Variants in HCN1 observed in about 807,000 individuals in gnomAD.
HCN1 encodes potassium/sodium hyperpolarization-activated cyclic nucleotide-gated channel 1.
In HCN1, 13 loss-of-function variants were observed where a neutral mutation model predicts 78.9. The ratio of observed to expected loss-of-function variants is 0.16; its 90% confidence interval spans 0.11 to 0.26. The LOEUF is 0.26. Among genes scored for constraint, HCN1 ranks in the 10% least tolerant of loss-of-function variants. The pLI, the probability that HCN1 is intolerant of heterozygous loss-of-function variation, is 1.00. For missense variants in HCN1, 810 were observed against 1,154.3 expected (o/e 0.70, Z 4.32); for synonymous variants, 552 against 455.5 (o/e 1.21, Z -2.70).
In HCN1 at chr5:45,538,270, C is replaced by T. The variant is rs112345560; in HGVS notation, c.850-76263G>A. Among the ~76,000 whole-genome samples, 1,308 of 152,096 alleles carry T rather than the reference C, an allele frequency of 8.6e-3. 25 individuals carry two copies. The highest frequency in any genetic ancestry group is 0.031 in the African/African-American group (1,281 of 41,502). On this transcript the variant is annotated intron_variant, in intron 2 of 7. Transcript: ENST00000303230. ...TGGGTTTAAGGTTGGAAATAGAGAT[C>T]CTCTAATTGCTGTGATGCAAAGATC...
chr5:45,646,852 ATCCTAGTCATAGG>A (rs1384707556), intron 1 of HCN1, among the ~76,000 whole-genome samples: 1 of 152,150 alleles, frequency 6.6e-6, no homozygotes, highest in African/African-American at 2.4e-5. Flanking sequence ...GAGTTACTTT[ATCCTAGTCATAGG>A]TATGTTATTT....
intron 7 of HCN1, among the ~76,000 whole-genome samples, chr5:45,264,181 T>G (rs1297672468): frequency 6.6e-6 from 1 of 152,232 alleles, no homozygotes; most frequent in African/African-American, 2.4e-5. Flanking sequence ...ACCAAGGGCA[T>G]AGTGCATTGC....
intron 2 of HCN1, among the ~76,000 whole-genome samples, chr5:45,513,315 C>T (rs1020184539): frequency 5.9e-5 from 9 of 151,918 alleles, no homozygotes; most frequent in African/African-American, 2.2e-4. Flanking sequence ...AGAATGAGAG[C>T]TCATAGGAAA....
intron 1 of HCN1, among the ~76,000 whole-genome samples, chr5:45,657,687 T>G (rs1484624685): frequency 6.6e-6 from 1 of 152,138 alleles, no homozygotes; most frequent in Non-Finnish European, 1.5e-5. Flanking sequence ...TTACAAGGGA[T>G]GTGAAGGACC....
chr5:45,523,963 AG>A (rs1389685446), intron 2 of HCN1, among the ~76,000 whole-genome samples: 6 of 152,046 alleles, frequency 3.9e-5, no homozygotes, highest in African/African-American at 1.4e-4. Context: ...GGTATTGCCT[AG>A]GTTTTCTTCT....
At chr5:45,395,850 A>G (rs977218302) in intron 4 of HCN1, among the ~76,000 whole-genome samples, 6 of 141,800 alleles carry the variant, frequency 4.2e-5, no homozygotes, top group Non-Finnish European at 7.5e-5. Flanking sequence ...TTCATGTGGG[A>G]AAAAAAAATC....
chr5:45,560,659 A>C (rs1743579320), intron 2 of HCN1, among the ~76,000 whole-genome samples: 1 of 152,092 alleles, frequency 6.6e-6, no homozygotes, highest in Non-Finnish European at 1.5e-5. Flanking sequence ...AATTATATTT[A>C]ACAAATAAAA....
intron 3 of HCN1, among the ~76,000 whole-genome samples, chr5:45,452,528 T>C (rs866534011): frequency 6.6e-6 from 1 of 151,646 alleles, no homozygotes; most frequent in South Asian, 2.1e-4. Context: ...TAGAACCCAA[T>C]AGGTAGTTTT....
intron 5 of HCN1, among the ~76,000 whole-genome samples, chr5:45,335,301 A>C (rs1419040965): frequency 1.3e-5 from 2 of 152,048 alleles, no homozygotes; most frequent in Non-Finnish European, 2.9e-5. Flanking sequence ...GGCACTCATA[A>C]ACAGAAGGTT....
rs117554737 is a variant in HCN1, at chr5:45,308,273, C to A, written c.1378-4434G>T. On this transcript the variant is annotated intron_variant, in intron 5 of 7. Transcript: ENST00000303230. ...ATGCATCTTGTACAGGCTGCTGAAT[C>A]GTGAGACAAATAAATTTCTTTATAA... is the stretch of plus-strand genomic sequence containing the variant. Among the ~76,000 whole-genome samples, 85 of 152,062 alleles carry A rather than the reference C, an allele frequency of 5.6e-4. No individual in the cohort carries two copies. The East Asian group carries it at 0.015, about 27-fold the overall frequency.
chr5:45,550,379 A>G (rs941208670), intron 2 of HCN1, among the ~76,000 whole-genome samples: 6 of 152,206 alleles, frequency 3.9e-5, no homozygotes, highest in Non-Finnish European at 1.5e-5. Flanking sequence ...CATCATTCTC[A>G]GCAAACTATC....
intron 4 of HCN1, among the ~76,000 whole-genome samples, chr5:45,382,612 C>T (rs1441644695): frequency 6.6e-6 from 1 of 152,206 alleles, no homozygotes; most frequent in Admixed American, 6.5e-5. Context: ...TACATGAAGA[C>T]AGTGGTCATA....
At chr5:45,358,633 A>AC (rs36063096) in intron 4 of HCN1, among the ~76,000 whole-genome samples, 1 of 152,042 alleles carries the variant, frequency 6.6e-6, no homozygotes, top group African/African-American at 2.4e-5. Flanking sequence ...TCTAATTGTC[A>AC]CCCCTAAAGG....
chr5:45,661,335 G>T (rs1745931620), intron 1 of HCN1, among the ~76,000 whole-genome samples: 1 of 148,048 alleles, frequency 6.8e-6, no homozygotes, highest in Non-Finnish European at 1.5e-5. Flanking sequence ...AGCACTAAAT[G>T]CCTACAAGAG....
chr5:45,312,752 C>T (rs1745882131), intron 5 of HCN1, among the ~76,000 whole-genome samples: 1 of 152,194 alleles, frequency 6.6e-6, no homozygotes, highest in African/African-American at 2.4e-5. Context: ...CCCACGCCCA[C>T]AGAGCCTTGC....
chr5:45,285,540 T>G (rs1456923471), intron 6 of HCN1, among the ~76,000 whole-genome samples: 1 of 151,956 alleles, frequency 6.6e-6, no homozygotes, highest in East Asian at 1.9e-4. Context: ...GCTTAAACAT[T>G]TTTTACTGTA....
intron 2 of HCN1, among the ~76,000 whole-genome samples, chr5:45,532,396 T>C (rs1742872397): frequency 1.3e-5 from 2 of 152,212 alleles, no homozygotes; most frequent in South Asian, 4.1e-4. Flanking sequence ...TTTTTGTTAG[T>C]TTACTATAAC....
In HCN1 at chr5:45,353,160, G is replaced by A. The variant is rs1746946618; in HGVS notation, c.1317C>T (p.Tyr439=). The A allele has an allele frequency of 1.2e-6, 2 of 1,610,906 alleles. No homozygotes were observed. The highest frequency in any genetic ancestry group is 1.1e-5 in the South Asian group (1 of 91,022). Residue 439 remains tyrosine (Y), a synonymous_variant, in exon 5 of 8, where the codon TAC becomes TAT. Coordinates refer to ENST00000303230, the MANE Select transcript of HCN1 (RefSeq NM_021072.4). Reference sequence around the variant, plus strand: ...TTTCCTCATCAAAGATTTTGCCTTGGTATCTGTGTTCATAGTAATCATGTA... The same window carrying A: ...TTTCCTCATCAAAGATTTTGCCTTGATATCTGTGTTCATAGTAATCATGTA... ...QKIHDYYEHR[Y]QGKIFDEENI...
chr5:45,376,081 T>C (rs1482507613), intron 4 of HCN1, among the ~76,000 whole-genome samples: 3 of 109,278 alleles, frequency 2.7e-5, no homozygotes, highest in African/African-American at 4.0e-5. Context: ...TTATAATATA[T>C]ATTATATTAT....
Sources: gnomAD v4.1 joint callset for allele counts (sites outside exome capture counted in the v4.1 genomes callset) on GRCh38, gnomAD v4.1.1 for gene constraint, MANE v1.5 for transcripts, NCBI Gene and HGNC (gene_info 2026-07-23, HGNC 2026-07-21) for gene names.